SIRT1: variants seen among roughly 807,000 people sequenced by gnomAD.
SIRT1 encodes sirtuin 1.
In SIRT1, 24 loss-of-function variants were observed where a neutral mutation model predicts 67.9. The ratio of observed to expected loss-of-function variants is 0.35; its 90% CI spans 0.26 to 0.50. SIRT1 has a LOEUF of 0.50. SIRT1 is among the 20% of genes least tolerant of loss of function. The probability of loss-of-function intolerance (pLI) is 0.98; values close to 1 mark genes in which losing one functional copy is unlikely to be tolerated. For synonymous variants in SIRT1, 378 were observed against 350.7 expected (o/e 1.08, Z -0.87); for missense variants, 873 against 937.2 (o/e 0.93, Z 0.89).
chr10:67,906,656 A>G, intron 4 of SIRT1, 134 bp from the exon 5 acceptor site: 1 of 889,556 alleles, frequency 1.1e-6, no homozygotes, highest in East Asian at 2.7e-5. Flanking sequence ...GCATCCATCT[A>G]GATACTTTAA....
intron 5 of SIRT1, 25 bp downstream of exon 5, chr10:67,906,962 C>T (rs1384205605): frequency 1.3e-6 from 2 of 1,525,442 alleles, no homozygotes; most frequent in Non-Finnish European, 1.8e-6. Context: ...GAGTGGTTTT[C>T]TGTAATTTAT....
chr10:67,884,656 G>C lies in SIRT1; in HGVS notation c.-66G>C. ...CTCCCGCAGCCGGAGCCGCGGGGGCGCCAGTGCCGCGCGTCGAGCGGGAGC... is the reference window on the plus strand; with the variant it reads ...CTCCCGCAGCCGGAGCCGCGGGGGCCCCAGTGCCGCGCGTCGAGCGGGAGC... On this transcript the variant is annotated 5_prime_UTR_variant, in exon 1 of 9. Coordinates refer to ENST00000212015, the MANE Select transcript of SIRT1 (RefSeq NM_012238.5). 2.5e-6 allele frequency: 3 copies of C among 1,222,392 alleles called. No individual in the cohort carries two copies. Among genetic ancestry groups the C allele is most frequent in the Non-Finnish European group, 3.1e-6 (3 of 981,942 alleles). 75.7% of individuals were successfully genotyped at this position (1,222,392 alleles called of 1,614,324 possible).
chr10:67,903,879 C>T (rs1842780091), intron 4 of SIRT1, among the ~76,000 whole-genome samples: 1 of 152,086 alleles, frequency 6.6e-6, no homozygotes, highest in Non-Finnish European at 1.5e-5. Context: ...ACAGAATGGC[C>T]CAGCCCTCAT....
chr10:67,907,087 A>C, intron 5 of SIRT1, 150 bp downstream of exon 5: 1 of 678,252 alleles, frequency 1.5e-6, no homozygotes. Flanking sequence ...AGTAGAAAAC[A>C]AAAATAATAA....
chr10:67,898,790 C>G (rs1441444299), intron 4 of SIRT1, among the ~76,000 whole-genome samples: 1 of 152,074 alleles, frequency 6.6e-6, no homozygotes, highest in African/African-American at 2.4e-5. Context: ...GAGCTGTGAC[C>G]TCACCTCTGC....
chr10:67,909,080 A>C (rs1842861990), intron 6 of SIRT1, among the ~76,000 whole-genome samples, 176 bp from the exon 7 acceptor site: 1 of 152,100 alleles, frequency 6.6e-6, no homozygotes, highest in Non-Finnish European at 1.5e-5. Context: ...TCATTGTTTC[A>C]TAGTATGTTA....
intron 4 of SIRT1, among the ~76,000 whole-genome samples, chr10:67,895,185 C>T (rs556923862): frequency 3.7e-4 from 57 of 152,078 alleles, no homozygotes; most frequent in African/African-American, 5.8e-4. Flanking sequence ...TTTGGGAGGC[C>T]GAGGTGGGTG....
chr10:67,885,345 C>T (rs1842459595), intron 1 of SIRT1, 194 bp downstream of exon 1: 1 of 1,236,790 alleles, frequency 8.1e-7, no homozygotes, highest in Non-Finnish European at 1.0e-6. Context: ...TGGATTCGCT[C>T]TTTTCCTCCG....
At chr10:67,906,404 C>A in intron 4 of SIRT1, 1 of 1,008,630 alleles carries the variant, frequency 9.9e-7, no homozygotes, top group Non-Finnish European at 1.4e-6. Flanking sequence ...TTAAATCACC[C>A]TACCTTGATA....
At chr10:67,899,789 T>C (rs796818422) in intron 4 of SIRT1, among the ~76,000 whole-genome samples, 32 of 152,176 alleles carry the variant, frequency 2.1e-4, no homozygotes, top group African/African-American at 7.7e-4. Context: ...TTAAAAACTA[T>C]AGTAAGTAAA....
At chr10:67,895,810 C>T (rs923935838) in intron 4 of SIRT1, among the ~76,000 whole-genome samples, 16 of 122,376 alleles carry the variant, frequency 1.3e-4, no homozygotes, top group African/African-American at 3.7e-4. Context: ...GGTGAGATCT[C>T]GGCTCACTAC....
chr10:67,907,351 C>T (rs1042914294), intron 5 of SIRT1, among the ~76,000 whole-genome samples: 6 of 151,818 alleles, frequency 4.0e-5, no homozygotes, highest in East Asian at 1.9e-4. Context: ...TAAAATTAGC[C>T]GGGCATGGTG....
At chr10:67,902,225 G>A (rs1427646356) in intron 4 of SIRT1, among the ~76,000 whole-genome samples, 1 of 152,138 alleles carries the variant, frequency 6.6e-6, no homozygotes, top group East Asian at 1.9e-4. Flanking sequence ...CTGACCTCAG[G>A]TGATCCGCCT....
At chr10:67,894,760 A>AGTGCATTG (rs1842626470) in intron 4 of SIRT1, among the ~76,000 whole-genome samples, 3 of 152,072 alleles carry the variant, frequency 2.0e-5, no homozygotes, top group African/African-American at 4.8e-5. Flanking sequence ...GCCAGGCTGT[A>AGTGCATTG]GTGCATTGGC....
chr10:67,907,648 C>CA (rs1329877368), intron 5 of SIRT1, among the ~76,000 whole-genome samples: 1 of 152,058 alleles, frequency 6.6e-6, no homozygotes, highest in Non-Finnish European at 1.5e-5. Flanking sequence ...CAAGTATCAA[C>CA]AGGCCATTAG....
chr10:67,906,088 G>T, intron 4 of SIRT1: 1 of 1,225,468 alleles, frequency 8.2e-7, no homozygotes, highest in Non-Finnish European at 1.0e-6. Context: ...ACTGTCAAAA[G>T]TTGGGAGGAC....
Position 67,916,705 on chromosome 10 carries a change from A to ATATT in SIRT1, c.*116_*119dup. On this transcript the variant is annotated 3_prime_UTR_variant, in exon 9 of 9. Coordinates refer to ENST00000212015, the MANE Select transcript of SIRT1 (RefSeq NM_012238.5). Reference sequence around the variant, plus strand: ...AGAGCAAGGAAACCAGAAAGGTGTAATATTTATAGGTTGGTAAAATAGATT... The same window carrying ATATT: ...AGAGCAAGGAAACCAGAAAGGTGTAATATTTATTTATAGGTTGGTAAAATAGATT... 1.3e-6 allele frequency: 1 copy of ATATT among 781,808 alleles called. No individual in the cohort carries two copies. Among genetic ancestry groups the ATATT allele is most frequent in the Non-Finnish European group, 2.0e-6 (1 of 510,866 alleles). 48.4% of individuals were successfully genotyped at this position (781,808 alleles called of 1,614,324 possible). A position where few individuals can be genotyped will look rare whatever the true frequency, so the allele number is the denominator to read the frequency against.
chr10:67,896,640 C>T (rs552951282), intron 4 of SIRT1, among the ~76,000 whole-genome samples: 8 of 150,852 alleles, frequency 5.3e-5, no homozygotes, highest in Admixed American at 3.3e-4. Context: ...ACTAAAAATA[C>T]AAAAATTAGC....
chr10:67,906,441 A>G (rs1055697736), intron 4 of SIRT1, among the ~76,000 whole-genome samples: 3 of 151,684 alleles, frequency 2.0e-5, no homozygotes, highest in African/African-American at 7.3e-5. Context: ...AAACTTTCCC[A>G]TTTTTCTTTA....
Sources: allele counts gnomAD v4.1 joint callset (sites outside exome capture counted in the v4.1 genomes callset), GRCh38; gene constraint gnomAD v4.1.1; transcripts MANE v1.5; gene names NCBI Gene and HGNC (gene_info 2026-07-23, HGNC 2026-07-21).